Variants in LAMP2 observed in about 807,000 individuals in gnomAD.
The protein encoded by LAMP2 is lysosome associated membrane protein 2.
A neutral mutation model predicts 25.6 loss-of-function variants in LAMP2; 4 were observed. That is an observed-to-expected ratio of 0.16 (90% CI 0.08 to 0.36). The LOEUF is 0.36. Ranked by LOEUF, LAMP2 falls within the 10% of genes least tolerant of loss-of-function variation. The pLI is 1.00. For synonymous variants in LAMP2, 108 were observed against 112.7 expected, an observed-to-expected ratio of 0.96 and a Z score of 0.27; for missense variants, 272 against 301.4, an observed-to-expected ratio of 0.90 and a Z score of 0.72.
chrX:120,433,981 T>C lies in LAMP2; in HGVS notation c.1094-2519A>G, dbSNP rs758282747. ...TTGACTTGGGCTGCCAGTTCAATTA[T>C]TTGTTTTACTTGCTTCTTGGTTCTG... On this transcript the variant is annotated intron_variant, in intron 8 of 8. Coordinates refer to ENST00000200639, the MANE Select transcript of LAMP2 (RefSeq NM_002294.3). 7.1e-5 allele frequency among the ~76,000 whole-genome samples: 8 copies of C among 111,954 alleles called. No homozygotes were observed. In the East Asian group the frequency reaches 2.0e-3, roughly 27 times the overall value.
At chrX:120,468,743 C>T (rs1921642336) in intron 1 of LAMP2, among the ~76,000 whole-genome samples, 1 of 110,833 alleles carries the variant, frequency 9.0e-6, no homozygotes, top group Non-Finnish European at 1.9e-5. Flanking sequence ...CAAGACTCTC[C>T]TAATTGTCTC....
intron 1 of LAMP2, among the ~76,000 whole-genome samples, chrX:120,461,033 T>TCAAACA (rs1921295238): frequency 8.9e-6 from 1 of 112,586 alleles, no homozygotes; most frequent in East Asian, 2.8e-4. Flanking sequence ...CCAGTGTGAT[T>TCAAACA]CTATTACAAA....
At chrX:120,442,528 T>A in intron 7 of LAMP2, 71 bp downstream of exon 7, 9 of 881,181 alleles carry the variant, frequency 1.0e-5, no homozygotes, top group Non-Finnish European at 1.2e-5. Flanking sequence ...TATTTGGTAA[T>A]AAGACCATTG....
intron 1 of LAMP2, among the ~76,000 whole-genome samples, chrX:120,466,473 C>T (rs1233720261): frequency 9.0e-6 from 1 of 111,061 alleles, no homozygotes; most frequent in Non-Finnish European, 1.9e-5. Context: ...GTCAGTTGGC[C>T]CTCAGTAAGT....
intron 8 of LAMP2, among the ~76,000 whole-genome samples, chrX:120,435,222 T>C (rs2058538206): frequency 8.9e-6 from 1 of 112,571 alleles, no homozygotes; most frequent in African/African-American, 3.2e-5. Context: ...GATATTTTGT[T>C]ATATACATTT....
chrX:120,453,274 T>A (rs1192249601), intron 3 of LAMP2, among the ~76,000 whole-genome samples: 1 of 112,001 alleles, frequency 8.9e-6, no homozygotes, highest in Non-Finnish European at 1.9e-5. Context: ...CCAAGTCTCA[T>A]TCTGCAATAC....
Position 120,430,893 on chromosome X carries a change from A to C in LAMP2, c.*430T>G. On this transcript the variant is annotated 3_prime_UTR_variant, in exon 9 of 9. Coordinates refer to ENST00000200639, the MANE Select transcript of LAMP2 (RefSeq NM_002294.3). ...ATGAACTTTATGCAAAGGCACATTG[A>C]TGAGTTTAAATCACTATAGTCCTTA... The C allele has an allele frequency of 1.3e-5, 10 of 757,117 alleles. No individual in the cohort carries two copies. The highest frequency in any genetic ancestry group is 1.6e-5 in the Non-Finnish European group (10 of 636,918). The allele number at this position is 757,117 out of a possible 1,213,427, so 62.4% of individuals were successfully genotyped here. A position where few individuals can be genotyped will look rare whatever the true frequency, so the allele number is the denominator to read the frequency against.
chrX:120,440,208 T>C (rs1055912936), intron 8 of LAMP2, among the ~76,000 whole-genome samples: 2 of 111,843 alleles, frequency 1.8e-5, no homozygotes, highest in Non-Finnish European at 3.8e-5. Flanking sequence ...TTGCAGATCG[T>C]GACTTAGTAC....
intron 3 of LAMP2, among the ~76,000 whole-genome samples, chrX:120,454,792 T>C (rs750912246): frequency 9.3e-6 from 1 of 107,229 alleles, no homozygotes; most frequent in Admixed American, 1.0e-4. Context: ...CAAGCCTCAT[T>C]TCCTTTACCT....
At chrX:120,459,075 A>T (rs957406627) in intron 1 of LAMP2, among the ~76,000 whole-genome samples, 2 of 111,695 alleles carry the variant, frequency 1.8e-5, no homozygotes, top group East Asian at 5.6e-4. Flanking sequence ...ACTTTTCTCA[A>T]ACTATTTTCC....
rs753743026 is a variant in LAMP2 at position 120,447,809 on chromosome X, A to G, written c.741+32T>C. ...CGCAATATTTGAAATGAAATGCAAA[A>G]AGGATGTATTGATAAAGATAGACAC... On this transcript the variant is annotated intron_variant, in intron 5 of 8. Coordinates refer to ENST00000200639, the MANE Select transcript of LAMP2 (RefSeq NM_002294.3). 66 of 1,140,829 alleles carry G rather than the reference A, an allele frequency of 5.8e-5. No homozygotes were observed. The South Asian group carries it at 1.1e-3, about 20-fold the overall frequency. 94.0% of individuals were successfully genotyped at this position (1,140,829 alleles called of 1,213,427 possible).
At chrX:120,439,780 GA>G (rs1479593409) in intron 8 of LAMP2, among the ~76,000 whole-genome samples, 1 of 110,083 alleles carries the variant, frequency 9.1e-6, no homozygotes, top group Non-Finnish European at 1.9e-5. Flanking sequence ...TACTTTATCA[GA>G]AATAAAGGGA....
chrX:120,438,792 C>T, intron 8 of LAMP2: 4 of 830,395 alleles, frequency 4.8e-6, no homozygotes, highest in Non-Finnish European at 5.8e-6. Context: ...AACTCAACTA[C>T]CTGCAGGGAA....
In LAMP2 at chrX:120,430,667, C is replaced by G. The variant is rs1469587906; in HGVS notation, c.*656G>C. On this transcript the variant is annotated 3_prime_UTR_variant, in exon 9 of 9. Transcript: ENST00000200639. ...AAGCCAGTTTAAGTTCTGTTGTAGC[C>G]TCTTGGGTCTGTATCATCCCTAGGG... 3 of 751,631 alleles carry G rather than the reference C, an allele frequency of 4.0e-6. No individual in the cohort carries two copies. In the African/African-American group the frequency reaches 6.9e-5, roughly 17 times the overall value. The allele number at this position is 751,631 out of a possible 1,213,427, so 61.9% of individuals were successfully genotyped here. A position where few individuals can be genotyped will look rare whatever the true frequency, so the allele number is the denominator to read the frequency against.
chrX:120,447,482 G>C (rs926354781), intron 5 of LAMP2, among the ~76,000 whole-genome samples: 21 of 110,795 alleles, frequency 1.9e-4, no homozygotes, highest in Non-Finnish European at 3.0e-4. Context: ...GCCGAGACGG[G>C]CGGAGCACAA....
intron 3 of LAMP2, among the ~76,000 whole-genome samples, chrX:120,455,059 A>G (rs1180595697): frequency 1.7e-4 from 18 of 103,352 alleles, no homozygotes; most frequent in African/African-American, 6.0e-4. Context: ...GGATATACAT[A>G]TATATGTATA....
intron 3 of LAMP2, among the ~76,000 whole-genome samples, chrX:120,451,111 A>G (rs1190979509): frequency 9.1e-6 from 1 of 110,279 alleles, no homozygotes; most frequent in Non-Finnish European, 1.9e-5. Context: ...TATTTTTAGT[A>G]GAGATGGGGT....
At chrX:120,455,027 A>G (rs1038835880) in intron 3 of LAMP2, among the ~76,000 whole-genome samples, 7 of 102,998 alleles carry the variant, frequency 6.8e-5, no homozygotes, top group Non-Finnish European at 1.4e-4. Context: ...ATATGTGTAT[A>G]TATATATATA....
chrX:120,466,141 G>A (rs1921521651), intron 1 of LAMP2, among the ~76,000 whole-genome samples: 1 of 112,121 alleles, frequency 8.9e-6, no homozygotes, highest in Admixed American at 9.4e-5. Context: ...AGTTAGTCCT[G>A]ATCAATAAAT....
Sources: allele counts gnomAD v4.1 joint callset (sites outside exome capture counted in the v4.1 genomes callset), GRCh38; gene constraint gnomAD v4.1.1; transcripts MANE v1.5; gene names NCBI Gene and HGNC (gene_info 2026-07-23, HGNC 2026-07-21).